The following MBOAT2 variants were observed in gnomAD, a reference collection of about 807,000 sequenced individuals.
MBOAT2 encodes membrane-bound glycerophospholipid O-acyltransferase 2.
A neutral mutation model predicts 63.4 loss-of-function variants in MBOAT2; 28 were observed. The ratio of observed to expected loss-of-function variants is 0.44; its 90% CI spans 0.33 to 0.61. The LOEUF (loss-of-function observed/expected upper bound fraction) is 0.61, where lower values mean the gene tolerates loss of function less well. Among genes scored for constraint, MBOAT2 ranks in the 20% least tolerant of loss-of-function variants. The pLI is 0.03. For synonymous variants in MBOAT2, 211 were observed against 215.6 expected, an observed-to-expected ratio of 0.98 and a Z score of 0.19; for missense variants, 470 against 605.8, an observed-to-expected ratio of 0.78 and a Z score of 2.35.
chr2:8,915,076 C>T (rs1251940352), intron 3 of MBOAT2, among the ~76,000 whole-genome samples: 1 of 149,774 alleles, frequency 6.7e-6, no homozygotes, highest in Non-Finnish European at 1.5e-5. Flanking sequence ...GTAGCTGAGA[C>T]TACAGGTACC....
At chr2:8,966,508 A>AT (rs1476313599) in intron 1 of MBOAT2, among the ~76,000 whole-genome samples, 38 of 152,080 alleles carry the variant, frequency 2.5e-4, no homozygotes, top group Non-Finnish European at 1.5e-5. Flanking sequence ...ACCTTGAATT[A>AT]TTTTTTTTGT....
intron 4 of MBOAT2, among the ~76,000 whole-genome samples, chr2:8,903,284 GA>G (rs946704524): frequency 1.3e-5 from 2 of 152,070 alleles, no homozygotes; most frequent in Non-Finnish European, 2.9e-5. Context: ...TCTTATACTT[GA>G]AAAAAATGCT....
At chr2:8,937,842 A>G (rs1028337890) in intron 3 of MBOAT2, among the ~76,000 whole-genome samples, 2 of 152,286 alleles carry the variant, frequency 1.3e-5, no homozygotes, top group South Asian at 4.1e-4. Context: ...GGCCCTGGGG[A>G]TGAAGCCGCG....
At chr2:8,935,375 T>C (rs917118313) in intron 3 of MBOAT2, among the ~76,000 whole-genome samples, 1 of 152,240 alleles carries the variant, frequency 6.6e-6, no homozygotes, top group African/African-American at 2.4e-5. Context: ...CTTACTGAGC[T>C]CCTATCATCT....
intron 2 of MBOAT2, among the ~76,000 whole-genome samples, chr2:8,947,988 T>C (rs186929643): frequency 1.8e-3 from 277 of 152,296 alleles, no homozygotes; most frequent in Admixed American, 0.015. Flanking sequence ...ATAGAAAACT[T>C]TCTGGAAAGG....
intron 2 of MBOAT2, among the ~76,000 whole-genome samples, chr2:8,949,598 G>A (rs866111849): frequency 4.6e-5 from 7 of 152,146 alleles, no homozygotes; most frequent in Middle Eastern, 6.8e-3. Context: ...TGACTAGGGA[G>A]TCCTTTCCCC....
intron 3 of MBOAT2, among the ~76,000 whole-genome samples, chr2:8,912,473 T>C (rs562478779): frequency 5.8e-4 from 88 of 152,222 alleles, no homozygotes; most frequent in South Asian, 3.7e-3. Flanking sequence ...CTATAACTTA[T>C]TGATAAAAGA....
chr2:8,868,610 C>T (rs781361520), intron 8 of MBOAT2, 61 bp from the exon 9 acceptor site: 12 of 1,315,322 alleles, frequency 9.1e-6, no homozygotes, highest in Non-Finnish European at 1.3e-5. Context: ...ACCATATTCT[C>T]CCAGAAGGTA....
chr2:8,874,705 A>C (rs1024148442), intron 7 of MBOAT2, among the ~76,000 whole-genome samples: 1 of 152,114 alleles, frequency 6.6e-6, no homozygotes. Context: ...TCACCCAAAA[A>C]ACCAAAGAGC....
intron 1 of MBOAT2, among the ~76,000 whole-genome samples, chr2:8,995,852 A>G (rs1489068087): frequency 6.6e-6 from 1 of 152,158 alleles, no homozygotes; most frequent in Non-Finnish European, 1.5e-5. Flanking sequence ...CGGCCTCCCA[A>G]AGTGCTGGGA....
At chr2:8,861,764 A>G (rs1229998157) in intron 11 of MBOAT2, among the ~76,000 whole-genome samples, 2 of 152,176 alleles carry the variant, frequency 1.3e-5, no homozygotes, top group African/African-American at 4.8e-5. Flanking sequence ...GCTACTTAGT[A>G]TTTATAACAC....
chr2:8,932,012 T>G (rs1667352943), intron 3 of MBOAT2, among the ~76,000 whole-genome samples: 1 of 152,178 alleles, frequency 6.6e-6, no homozygotes, highest in African/African-American at 2.4e-5. Flanking sequence ...CACGCTCAAT[T>G]GTTCTAATAT....
intron 2 of MBOAT2, among the ~76,000 whole-genome samples, chr2:8,957,871 GTTA>G: frequency 6.6e-6 from 1 of 152,054 alleles, no homozygotes; most frequent in Non-Finnish European, 1.5e-5. Flanking sequence ...ACATTTGTTT[GTTA>G]CTTCCTGTAA....
At chr2:8,880,414 G>A (rs771665073) in intron 6 of MBOAT2, among the ~76,000 whole-genome samples, 22 of 152,188 alleles carry the variant, frequency 1.4e-4, no homozygotes, top group South Asian at 4.1e-4. Flanking sequence ...GAACAGATGC[G>A]GGAGGAGGAA....
rs373399258 is a variant in MBOAT2 at position 8,951,161 on chromosome 2, TCTC to T, written c.221+7333_221+7335del. 3.6e-3 allele frequency among the ~76,000 whole-genome samples: 540 copies of T among 151,988 alleles called. 8 individuals are homozygous for T. The highest frequency in any genetic ancestry group is 0.02 in the South Asian group (96 of 4,810). On this transcript the variant is annotated intron_variant, in intron 2 of 12. Coordinates refer to ENST00000305997, the MANE Select transcript of MBOAT2 (RefSeq NM_138799.4). ...CAGAATGAGTTAATAAGGGGTCCCT[TCTC>T]CTCAATTTTTTTGTAATACTTTCAG...
intron 1 of MBOAT2, among the ~76,000 whole-genome samples, chr2:8,967,254 G>A (rs1670059544): frequency 6.6e-6 from 1 of 152,212 alleles, no homozygotes; most frequent in African/African-American, 2.4e-5. Context: ...TTGTGGGCTG[G>A]TAATGTTTCT....
chr2:8,955,293 C>T (rs987772344), intron 2 of MBOAT2, among the ~76,000 whole-genome samples: 4 of 152,204 alleles, frequency 2.6e-5, no homozygotes, highest in Non-Finnish European at 5.9e-5. Flanking sequence ...GCGTCTCCAA[C>T]CCTCTCCCCA....
chr2:8,886,915 A>G (rs1235209703), intron 5 of MBOAT2, among the ~76,000 whole-genome samples: 1 of 152,240 alleles, frequency 6.6e-6, no homozygotes, highest in African/African-American at 2.4e-5. Context: ...TATTATAACT[A>G]CAGTCTAGTA....
At chr2:8,877,596 G>C (rs980271559) in intron 6 of MBOAT2, among the ~76,000 whole-genome samples, 1 of 152,182 alleles carries the variant, frequency 6.6e-6, no homozygotes, top group Non-Finnish European at 1.5e-5. Flanking sequence ...ACAAAGGAGA[G>C]GACAATCCTG....
Sources: allele counts gnomAD v4.1 joint callset (sites outside exome capture counted in the v4.1 genomes callset), GRCh38; gene constraint gnomAD v4.1.1; transcripts MANE v1.5; gene names NCBI Gene and HGNC (gene_info 2026-07-23, HGNC 2026-07-21).